PRKCB: variants seen among roughly 807,000 people sequenced by gnomAD.
The protein encoded by PRKCB is protein kinase C beta type.
PRKCB carries 13 observed loss-of-function variants against 81.5 expected under a neutral mutation model. The ratio of observed to expected loss-of-function variants is 0.16; its 90% CI spans 0.10 to 0.25. The LOEUF is 0.25. PRKCB is among the 10% of genes least tolerant of loss of function. The probability of loss-of-function intolerance (pLI) is 1.00; values close to 1 mark genes in which losing one functional copy is unlikely to be tolerated. For missense variants in PRKCB, 509 were observed against 875.7 expected, an observed-to-expected ratio of 0.58 and a Z score of 5.29; for synonymous variants, 335 against 321.4, an observed-to-expected ratio of 1.04 and a Z score of -0.45.
intron 2 of PRKCB, among the ~76,000 whole-genome samples, chr16:23,876,805 A>G (rs1161771260): frequency 6.6e-6 from 1 of 152,146 alleles, no homozygotes; most frequent in Non-Finnish European, 1.5e-5. Flanking sequence ...TACTCAAAAC[A>G]ATGTTCAGCT....
intron 7 of PRKCB, among the ~76,000 whole-genome samples, chr16:24,103,841 T>A (rs1217405006): frequency 6.6e-6 from 1 of 152,224 alleles, no homozygotes; most frequent in African/African-American, 2.4e-5. Flanking sequence ...GTTTCACTCT[T>A]GTTGCCCAGG....
intron 7 of PRKCB, chr16:24,111,449 A>G (rs1029265655): frequency 3.9e-5 from 6 of 151,912 alleles, no homozygotes; most frequent in African/African-American, 1.5e-4. Context: ...AGATGAAAAA[A>G]TCTTTGTGGT....
At chr16:24,017,115 G>C (rs1337148383) in intron 3 of PRKCB, among the ~76,000 whole-genome samples, 1 of 152,164 alleles carries the variant, frequency 6.6e-6, no homozygotes, top group African/African-American at 2.4e-5. Context: ...GGGTATAAAG[G>C]TGTGTGCCTC....
chr16:24,147,491 C>G (rs1967012544), intron 9 of PRKCB, among the ~76,000 whole-genome samples: 1 of 152,020 alleles, frequency 6.6e-6, no homozygotes, highest in South Asian at 2.1e-4. Flanking sequence ...GTGACTGCAG[C>G]ATGAATGCAC....
At position 23,836,089 on chromosome 16, in the gene PRKCB, C is replaced by CCGCCTCCCG. The variant is rs1222364389; in HGVS notation, c.-78_-70dup. 2.0e-6 allele frequency: 2 copies of CCGCCTCCCG among 976,662 alleles called. No homozygotes were observed. Among genetic ancestry groups the CCGCCTCCCG allele is most frequent in the African/African-American group, 1.8e-5 (1 of 56,368 alleles). The allele number at this position is 976,662 out of a possible 1,614,324, so 60.5% of individuals were successfully genotyped here. A position where few individuals can be genotyped will look rare whatever the true frequency, so the allele number is the denominator to read the frequency against. On this transcript the variant is annotated 5_prime_UTR_variant, in exon 1 of 17. Transcript: ENST00000643927. ...GCGGCCCCGGGTGCAGCAGCGGCCG[C>CCGCCTCCCG]CGCCTCCCGCGCCTCCCCGGCCCGC... is the stretch of plus-strand genomic sequence containing the variant.
At chr16:24,018,778 T>C (rs565315772) in intron 3 of PRKCB, among the ~76,000 whole-genome samples, 2 of 152,354 alleles carry the variant, frequency 1.3e-5, no homozygotes, top group East Asian at 1.9e-4. Context: ...ATTGGCTCTA[T>C]TCATTCTCCT....
chr16:24,198,678 C>A lies in PRKCB; in HGVS notation c.1863+7448C>A, dbSNP rs73550414. The stretch of plus-strand genomic sequence containing the variant: ...AGCGCTAAAGTGTGTGTACAATGAT[C>A]TGCCCAGTAGTAAACATGGCTCTAG... On this transcript the variant is annotated intron_variant, in intron 16 of 16. Coordinates refer to ENST00000643927, the MANE Select transcript of PRKCB (RefSeq NM_002738.7). Among the ~76,000 whole-genome samples, 1,351 of 152,278 alleles carry A rather than the reference C, an allele frequency of 8.9e-3. 25 individuals carry two copies. Among genetic ancestry groups the A allele is most frequent in the African/African-American group, 0.031 (1,289 of 41,564 alleles).
At position 23,910,311 on chromosome 16, in the gene PRKCB, CCTGGTGTGCA is replaced by C. The variant is rs1310642764; in HGVS notation, c.205+72912_205+72921del. 5.9e-5 allele frequency among the ~76,000 whole-genome samples: 9 copies of C among 152,192 alleles called. No individual in the cohort carries two copies. The East Asian group carries it at 1.3e-3, about 23-fold the overall frequency. Reference sequence around the variant, plus strand: ...CTTTAGAGCAAAGTTTCCCCAAGCGCCTGGTGTGCACTGGTGAGATTTGGGGACGGGGTGG... The same window carrying C: ...CTTTAGAGCAAAGTTTCCCCAAGCGCCTGGTGAGATTTGGGGACGGGGTGG... On this transcript the variant is annotated intron_variant, in intron 2 of 16. Transcript: ENST00000643927.
chr16:24,147,644 A>G (rs898117799), intron 9 of PRKCB, among the ~76,000 whole-genome samples: 8 of 152,348 alleles, frequency 5.3e-5, no homozygotes, highest in African/African-American at 1.9e-4. Context: ...AAAATATTCC[A>G]GCACTGATTT....
chr16:23,908,720 C>T lies in PRKCB; in HGVS notation c.205+71314C>T, dbSNP rs1034710570. Among the ~76,000 whole-genome samples the T allele has an allele frequency of 6.0e-4, 91 of 151,780 alleles. 1 individual carries two copies. Among genetic ancestry groups the T allele is most frequent in the African/African-American group, 1.8e-3 (76 of 41,356 alleles). On this transcript the variant is annotated intron_variant, in intron 2 of 16. Transcript: ENST00000643927. ...TTTTTTTTTGTATTTTTAGTAGAGACGGGGTTTCACCGTGATCTCGATCTC... is the reference window on the plus strand; with the variant it reads ...TTTTTTTTTGTATTTTTAGTAGAGATGGGGTTTCACCGTGATCTCGATCTC...
chr16:23,840,310 C>T (rs1962242684), intron 2 of PRKCB, among the ~76,000 whole-genome samples: 1 of 152,180 alleles, frequency 6.6e-6, no homozygotes, highest in African/African-American at 2.4e-5. Context: ...CCCAGGGCCT[C>T]AGGTTCCTTT....
chr16:24,068,186 A>G lies in PRKCB; in HGVS notation c.530-24605A>G, dbSNP rs35252244. On this transcript the variant is annotated intron_variant, in intron 5 of 16. Transcript: ENST00000643927. ...GAACCCCAATTTTTGTTTCTCTAGC[A>G]CCATAAGCCTGACAAAACCTCTCAG... Among the ~76,000 whole-genome samples the G allele has an allele frequency of 3.8e-3, 581 of 152,192 alleles. 1 individual carries two copies. Among genetic ancestry groups the G allele is most frequent in the Non-Finnish European group, 5.9e-3 (403 of 68,010 alleles).
intron 3 of PRKCB, among the ~76,000 whole-genome samples, chr16:23,999,561 T>C (rs1965005220): frequency 6.6e-6 from 1 of 152,226 alleles, no homozygotes; most frequent in South Asian, 2.1e-4. Flanking sequence ...GCAGAGTTCA[T>C]GGATGATGCT....
intron 2 of PRKCB, among the ~76,000 whole-genome samples, chr16:23,918,028 A>G (rs1268025175): frequency 1.3e-5 from 2 of 152,226 alleles, no homozygotes; most frequent in Non-Finnish European, 1.5e-5. Context: ...ATGAGAGGAA[A>G]ATATGGGGAA....
At chr16:24,081,263 AT>A in intron 5 of PRKCB, among the ~76,000 whole-genome samples, 1 of 150,764 alleles carries the variant, frequency 6.6e-6, no homozygotes, top group Non-Finnish European at 1.5e-5. Flanking sequence ...TGGCTTAATA[AT>A]AAAAAAAAAA....
At chr16:24,039,680 G>A (rs977833624) in intron 5 of PRKCB, among the ~76,000 whole-genome samples, 1 of 152,172 alleles carries the variant, frequency 6.6e-6, no homozygotes, top group Non-Finnish European at 1.5e-5. Flanking sequence ...TGCAGTTGAG[G>A]ACAGTTATCT....
chr16:23,999,139 C>T (rs762965975), intron 3 of PRKCB, among the ~76,000 whole-genome samples: 2 of 152,240 alleles, frequency 1.3e-5, no homozygotes, highest in South Asian at 2.1e-4. Flanking sequence ...GCCACACCTG[C>T]TTGCCCACCT....
At position 23,836,735 on chromosome 16, in the gene PRKCB, C is replaced by A. The variant is rs535839738; in HGVS notation, c.173+387C>A. Among the ~76,000 whole-genome samples the A allele has an allele frequency of 2.5e-3, 365 of 147,986 alleles. 3 individuals are homozygous for A. Among genetic ancestry groups the A allele is most frequent in the African/African-American group, 8.8e-3 (352 of 40,046 alleles). On this transcript the variant is annotated intron_variant, in intron 1 of 16. Transcript: ENST00000643927. ...CCCTATCTCTCCGCCTGCTTCCGGG[C>A]GCGAGGAGCCCTCGCCCCCCACCCC...
intron 2 of PRKCB, among the ~76,000 whole-genome samples, chr16:23,920,059 T>C (rs193241844): frequency 6.4e-4 from 97 of 152,332 alleles, no homozygotes; most frequent in African/African-American, 2.2e-3. Context: ...TATTTTTAAT[T>C]TGTTGAGAAC....
Sources: gnomAD v4.1 joint callset for allele counts (sites outside exome capture counted in the v4.1 genomes callset) on GRCh38, gnomAD v4.1.1 for gene constraint, MANE v1.5 for transcripts, NCBI Gene and HGNC (gene_info 2026-07-23, HGNC 2026-07-21) for gene names.